MACF1: variants seen among roughly 807,000 people sequenced by gnomAD.
MACF1 encodes microtubule-actin cross-linking factor 1.
MACF1 carries 193 observed loss-of-function variants against 854.8 expected under a neutral mutation model. The ratio of observed to expected loss-of-function variants is 0.23; its 90% confidence interval spans 0.20 to 0.25. The LOEUF is 0.25. Ranked by LOEUF, MACF1 falls within the 10% of genes least tolerant of loss-of-function variation. MACF1 has a pLI of 1.00. For missense variants in MACF1, 7,722 were observed against 8,929.1 expected (o/e 0.86, Z 5.45); for synonymous variants, 3,185 against 3,226.7 (o/e 0.99, Z 0.44).
At chr1:39,448,420 A>G (rs1483291522) in intron 83 of MACF1, among the ~76,000 whole-genome samples, 174 bp from the exon 84 acceptor site, 1 of 152,234 alleles carries the variant, frequency 6.6e-6, no homozygotes, top group African/African-American at 2.4e-5. Context: ...TATATATGGT[A>G]TAAACAAAAA....
intron 58 of MACF1, chr1:39,414,508 CTAAAGAG>C (rs1312252792): frequency 1.2e-6 from 2 of 1,612,630 alleles, no homozygotes; most frequent in Non-Finnish European, 1.7e-6. Flanking sequence ...TGGGAAGGGT[CTAAAGAG>C]TAAAGTGAGA....
chr1:39,300,150 T>G, intron 21 of MACF1, 60 bp from the exon 22 acceptor site: 1 of 1,560,574 alleles, frequency 6.4e-7, no homozygotes, highest in Non-Finnish European at 8.7e-7. Flanking sequence ...TTTTCTTTGT[T>G]GACTTAGTCA....
At chr1:39,179,185 T>A (rs906630168) in intron 2 of MACF1, among the ~76,000 whole-genome samples, 5 of 152,218 alleles carry the variant, frequency 3.3e-5, no homozygotes, top group African/African-American at 1.2e-4. Context: ...CCCCACACAC[T>A]TATTTTCTGA....
intron 2 of MACF1, among the ~76,000 whole-genome samples, chr1:39,232,330 A>G (rs1352092530): frequency 6.6e-6 from 1 of 152,152 alleles, no homozygotes; most frequent in Non-Finnish European, 1.5e-5. Flanking sequence ...TGCCCTATCC[A>G]GTAGCCTAGT....
In MACF1 at chr1:39,424,172, C is replaced by G. The variant is rs778454240; in HGVS notation, c.16294C>G (p.Leu5432Val). 2 of 1,613,564 alleles carry G rather than the reference C, an allele frequency of 1.2e-6. No homozygotes were observed. Among genetic ancestry groups the G allele is most frequent in the Admixed American group, 1.7e-5 (1 of 59,928 alleles). The stretch of plus-strand genomic sequence containing the variant: ...GAGTCTTGAAAGTAGATGGACTGAA[C>G]TACTCAGTAAGGCAGCAGCCAGGTA... ...LESLESRWTE[L>V]LSKAAARQKQ... Residue 5432 changes from leucine (L) to valine (V), a missense_variant, in exon 61 of 101, where the codon CTA (leucine) becomes GTA (valine). Around this residue, in one of 15 missense-constraint regions of MACF1, gnomAD observed 2,807 missense variants for 3,235.8 expected, o/e 0.87. Coordinates refer to ENST00000564288, the MANE Select transcript of MACF1 (RefSeq NM_001394062.1).
intron 20 of MACF1, 23 bp from the exon 21 acceptor site, chr1:39,297,597 A>G: frequency 2.5e-6 from 4 of 1,614,040 alleles, no homozygotes; most frequent in Non-Finnish European, 3.4e-6. Context: ...AGCAGAAGGC[A>G]TCCTTACTTT....
intron 87 of MACF1, among the ~76,000 whole-genome samples, chr1:39,453,384 T>C (rs1431097749): frequency 2.6e-5 from 4 of 152,118 alleles, no homozygotes; most frequent in Non-Finnish European, 5.9e-5. Context: ...CAACATGAAA[T>C]GAAATAGGAT....
chr1:39,149,770 C>T lies in MACF1; in HGVS notation c.220+65332C>T, dbSNP rs191559783. Among the ~76,000 whole-genome samples the T allele has an allele frequency of 4.8e-4, 73 of 152,148 alleles. 1 individual carries two copies. The East Asian group carries it at 0.013, about 28-fold the overall frequency. ...AGTCCTCCATAATTGCCTCTCTAGC[C>T]TCCTCTCCAACCACTTTCTCACTTC... On this transcript the variant is annotated intron_variant, in intron 2 of 93. Coordinates refer to the MACF1 transcript ENST00000361689.
chr1:39,357,940 C>T, intron 45 of MACF1, 47 bp downstream of exon 45: 1 of 1,555,650 alleles, frequency 6.4e-7, no homozygotes, highest in Non-Finnish European at 8.7e-7. Flanking sequence ...TCATGGCAGC[C>T]TTCACACAAT....
intron 2 of MACF1, among the ~76,000 whole-genome samples, chr1:39,145,847 C>A (rs1235229840): frequency 6.6e-6 from 1 of 152,190 alleles, no homozygotes; most frequent in Non-Finnish European, 1.5e-5. Flanking sequence ...ATTGTATGAG[C>A]TTTTCCCCCA....
At chr1:39,174,824 G>A (rs1386968458) in intron 2 of MACF1, among the ~76,000 whole-genome samples, 1 of 152,174 alleles carries the variant, frequency 6.6e-6, no homozygotes, top group Non-Finnish European at 1.5e-5. Flanking sequence ...GTAGGAAAAG[G>A]GGAAACCCTC....
chr1:39,211,211 G>A (rs976653478), intron 1 of MACF1, among the ~76,000 whole-genome samples: 2 of 151,906 alleles, frequency 1.3e-5, no homozygotes, highest in Non-Finnish European at 2.9e-5. Context: ...CAAGTGATCC[G>A]TCCATCTTGG....
intron 2 of MACF1, among the ~76,000 whole-genome samples, chr1:39,112,265 T>C (rs980981959): frequency 6.6e-5 from 10 of 152,066 alleles, no homozygotes; most frequent in Non-Finnish European, 1.5e-4. Flanking sequence ...TTTTGTATTT[T>C]TTAATAGAGA....
Position 39,084,279 on chromosome 1 carries a change from C to A in MACF1, c.61C>A (p.Arg21=), listed in dbSNP as rs141313177. 40 of 1,613,686 alleles carry A rather than the reference C, an allele frequency of 2.5e-5. No homozygotes were observed. The highest frequency in any genetic ancestry group is 3.2e-5 in the Non-Finnish European group (38 of 1,179,952). Residue 21 remains arginine (R), a synonymous_variant, in exon 2 of 94, where the codon CGG becomes AGG. Coordinates refer to the MACF1 transcript ENST00000361689. This position sits in a 1 kb window ranked among gnomAD's most constrained non-coding sequence, Gnocchi z 5.2. ...GTCATGTCGGAGTGAGCGGTCTTGT[C>A]GGAGTGAGCGATCTTACAGGAGCGA...
chr1:39,289,716 TTTTTTTTTTG>T (rs1318481013), intron 15 of MACF1, among the ~76,000 whole-genome samples: 1 of 128,826 alleles, frequency 7.8e-6, no homozygotes, highest in African/African-American at 2.9e-5. Context: ...TTTTTTTTTT[TTTTTTTTTTG>T]AGACAGAGTC....
rs186866041 is a variant in MACF1, at chr1:39,301,373, A to T, written c.2634+1011A>T. Among the ~76,000 whole-genome samples the T allele has an allele frequency of 2.9e-3, 438 of 149,182 alleles. 3 individuals are homozygous for T. The highest frequency in any genetic ancestry group is 0.011 in the African/African-American group (428 of 40,418). ...GATCTCCTGACCTCTTGATCCACCC[A>T]CCTTGGCCTCCCAAAGTGCTGGGAT... On this transcript the variant is annotated intron_variant, in intron 22 of 100. Coordinates refer to ENST00000564288, the MANE Select transcript of MACF1 (RefSeq NM_001394062.1).
At chr1:39,190,401 G>GTTTT (rs71057198) in intron 2 of MACF1, among the ~76,000 whole-genome samples, 1 of 105,970 alleles carries the variant, frequency 9.4e-6, no homozygotes, top group Non-Finnish European at 1.7e-5. Context: ...GTTTGTTTTT[G>GTTTT]TTTTTTTTTT....
intron 58 of MACF1, chr1:39,411,663 G>A (rs1199604607): frequency 2.5e-6 from 4 of 1,613,950 alleles, no homozygotes; most frequent in Non-Finnish European, 1.7e-6. Flanking sequence ...CAGTGCAGAT[G>A]TTTCTTGAAC....
At chr1:39,243,274 G>A (rs540784196) in intron 2 of MACF1, among the ~76,000 whole-genome samples, 68 of 152,336 alleles carry the variant, frequency 4.5e-4, no homozygotes, top group African/African-American at 1.5e-3. Context: ...TTCTCAGGGA[G>A]TGCAAACAGG....
Sources: gnomAD v4.1 joint callset for allele counts (sites outside exome capture counted in the v4.1 genomes callset) on GRCh38, gnomAD v4.1.1 for gene constraint, gnomAD v4.1.1 regional missense constraint, Gnocchi (gnomAD v3.1) non-coding constraint, MANE v1.5 for transcripts, NCBI Gene and HGNC (gene_info 2026-07-23, HGNC 2026-07-21) for gene names.